Variants in TBC1D5 observed in about 807,000 individuals in gnomAD.
TBC1D5 encodes TBC1 domain family member 5.
Under a neutral mutation model 100.3 loss-of-function variants are expected in TBC1D5, and 75 were observed. That is an observed-to-expected ratio of 0.75 (90% CI 0.62 to 0.91). The LOEUF (loss-of-function observed/expected upper bound fraction) is 0.91. Among genes scored for constraint, TBC1D5 ranks in the 40% least tolerant of loss-of-function variants. The pLI is 0.00. For missense variants in TBC1D5, 910 were observed against 942.4 expected (o/e 0.97, Z 0.45); for synonymous variants, 323 against 325.6 (o/e 0.99, Z 0.09).
intron 13 of TBC1D5, among the ~76,000 whole-genome samples, chr3:17,312,444 CTTT>C (rs2084141958): frequency 6.6e-6 from 1 of 152,162 alleles, no homozygotes; most frequent in African/African-American, 2.4e-5. Context: ...CCATCAAACT[CTTT>C]TTCAAAAAGA....
chr3:17,428,539 C>T lies in TBC1D5; in HGVS notation c.98-20G>A. ...AATCTCCTGGAGAAAAAAATTACGACACTGAAATAATGGAGATAAACTGAA... is the reference window on the plus strand; with the variant it reads ...AATCTCCTGGAGAAAAAAATTACGATACTGAAATAATGGAGATAAACTGAA... On this transcript the variant is annotated intron_variant, in intron 3 of 21. Coordinates refer to ENST00000253692, the Ensembl canonical transcript of TBC1D5. 7.3e-7 allele frequency: 1 copy of T among 1,373,640 alleles called. No individual in the cohort carries two copies. The highest frequency in any genetic ancestry group is 9.8e-7 in the Non-Finnish European group (1 of 1,020,700). The allele number at this position is 1,373,640 out of a possible 1,614,324, so 85.1% of individuals were successfully genotyped here.
chr3:17,238,204 C>T (rs1371685150), exon 17 of TBC1D5: 1 of 1,613,848 alleles, frequency 6.2e-7, no homozygotes, highest in Non-Finnish European at 8.5e-7. Flanking sequence ...TTTCATCAGC[C>T]TCTGCTGCTG....
intron 2 of TBC1D5, among the ~76,000 whole-genome samples, chr3:17,621,631 T>C (rs1339835410): frequency 6.6e-6 from 1 of 152,194 alleles, no homozygotes; most frequent in East Asian, 1.9e-4. Flanking sequence ...CTTTCCTCTG[T>C]TTCCCCTAAC....
At chr3:17,679,233 T>C (rs1179425316) in intron 1 of TBC1D5, among the ~76,000 whole-genome samples, 3 of 151,270 alleles carry the variant, frequency 2.0e-5, no homozygotes, top group Non-Finnish European at 4.4e-5. Flanking sequence ...GAAGTTTGTA[T>C]AATGCAACAG....
intron 2 of TBC1D5, among the ~76,000 whole-genome samples, chr3:17,546,827 G>A (rs1404745467): frequency 6.6e-6 from 1 of 151,638 alleles, no homozygotes; most frequent in African/African-American, 2.4e-5. Flanking sequence ...AATCCAACGA[G>A]TCTGCTGATA....
At chr3:17,447,626 T>A in intron 3 of TBC1D5, among the ~76,000 whole-genome samples, 1 of 152,190 alleles carries the variant, frequency 6.6e-6, no homozygotes, top group Non-Finnish European at 1.5e-5. Flanking sequence ...AAGTTTAAAT[T>A]ACAAAGGTTT....
chr3:17,659,227 T>C (rs1458643925), intron 1 of TBC1D5, among the ~76,000 whole-genome samples: 2 of 152,216 alleles, frequency 1.3e-5, no homozygotes, highest in African/African-American at 2.4e-5. Context: ...AGTGGATTTG[T>C]GTGAGCACAT....
At chr3:17,397,533 G>A (rs1469006064) in intron 8 of TBC1D5, among the ~76,000 whole-genome samples, 1 of 152,048 alleles carries the variant, frequency 6.6e-6, no homozygotes, top group African/African-American at 2.4e-5. Flanking sequence ...CACCATGTCT[G>A]GCTAATGGCT....
intron 2 of TBC1D5, among the ~76,000 whole-genome samples, chr3:17,517,500 A>G (rs1322623202): frequency 6.6e-6 from 1 of 152,272 alleles, no homozygotes; most frequent in Non-Finnish European, 1.5e-5. Context: ...AACCACATAC[A>G]GGTCAATGAT....
chr3:17,685,784 A>G (rs2070183628), intron 1 of TBC1D5, among the ~76,000 whole-genome samples: 1 of 152,064 alleles, frequency 6.6e-6, no homozygotes, highest in Non-Finnish European at 1.5e-5. Flanking sequence ...CTTAACTTAC[A>G]CTTCTTTTTC....
At chr3:17,596,368 G>C (rs1428269560) in intron 2 of TBC1D5, among the ~76,000 whole-genome samples, 1 of 148,252 alleles carries the variant, frequency 6.7e-6, no homozygotes, top group Non-Finnish European at 1.5e-5. Context: ...GCCCAGGCTG[G>C]AGTGCAGTCG....
At chr3:17,597,251 T>C (rs1166485409) in intron 2 of TBC1D5, among the ~76,000 whole-genome samples, 1 of 152,226 alleles carries the variant, frequency 6.6e-6, no homozygotes, top group Non-Finnish European at 1.5e-5. Flanking sequence ...TAAAAGTTCC[T>C]TGAAAATGGA....
chr3:17,216,214 T>C (rs1474566357), intron 17 of TBC1D5, among the ~76,000 whole-genome samples: 1 of 152,098 alleles, frequency 6.6e-6, no homozygotes, highest in Non-Finnish European at 1.5e-5. Context: ...CTTTAGCTAT[T>C]AGATTGTTCA....
intron 8 of TBC1D5, among the ~76,000 whole-genome samples, chr3:17,399,408 A>C (rs1181181892): frequency 6.6e-6 from 1 of 152,158 alleles, no homozygotes; most frequent in Non-Finnish European, 1.5e-5. Context: ...ACAGAAACTT[A>C]TGAATGTGAG....
At chr3:17,671,456 G>A (rs1008867974) in intron 1 of TBC1D5, among the ~76,000 whole-genome samples, 1 of 152,042 alleles carries the variant, frequency 6.6e-6, no homozygotes, top group Non-Finnish European at 1.5e-5. Flanking sequence ...ACTGATTGAC[G>A]GCCTCCCCCA....
intron 13 of TBC1D5, among the ~76,000 whole-genome samples, chr3:17,344,692 C>T (rs934156968): frequency 6.6e-6 from 1 of 152,160 alleles, no homozygotes; most frequent in African/African-American, 2.4e-5. Context: ...GTAACCAAAG[C>T]AGCATGGTAC....
chr3:17,732,839 GTTA>G (rs1398511639), intron 1 of TBC1D5, among the ~76,000 whole-genome samples: 1 of 152,062 alleles, frequency 6.6e-6, no homozygotes, highest in Admixed American at 6.6e-5. Flanking sequence ...GTAGTTTCAT[GTTA>G]TAAGGACACT....
intron 2 of TBC1D5, chr3:17,576,670 ATGAT>A (rs1481160046): frequency 2.0e-5 from 3 of 152,030 alleles, no homozygotes; most frequent in East Asian, 1.9e-4. Context: ...ACAAGCTATT[ATGAT>A]TGATTGACTG....
At chr3:17,421,933 G>T (rs530882552) in intron 4 of TBC1D5, among the ~76,000 whole-genome samples, 2 of 152,158 alleles carry the variant, frequency 1.3e-5, no homozygotes, top group South Asian at 4.2e-4. Flanking sequence ...GAAAAGCAAG[G>T]CTCATGGAAT....
Sources: allele counts gnomAD v4.1 joint callset (sites outside exome capture counted in the v4.1 genomes callset), GRCh38; gene constraint gnomAD v4.1.1; transcripts MANE v1.5; gene names NCBI Gene and HGNC (gene_info 2026-07-23, HGNC 2026-07-21).